APLF: variants seen among roughly 807,000 people sequenced by gnomAD.
The protein encoded by APLF is aprataxin and PNK-like factor.
In APLF, 61 loss-of-function variants were observed where a neutral mutation model predicts 55.6. The ratio of observed to expected loss-of-function variants is 1.10; its 90% CI spans 0.89 to 1.36. The LOEUF (loss-of-function observed/expected upper bound fraction) is 1.36, where lower values mean the gene tolerates loss of function less well. Ranked by LOEUF, APLF falls within the 40% of genes most tolerant of loss-of-function variation. APLF has a pLI of 0.00. For synonymous variants in APLF, 207 were observed against 214.8 expected (o/e 0.96, Z 0.32); for missense variants, 611 against 602.5 (o/e 1.01, Z -0.15).
At chr2:68,505,021 A>G (rs1277533277) in intron 3 of APLF, among the ~76,000 whole-genome samples, 1 of 152,050 alleles carries the variant, frequency 6.6e-6, no homozygotes, top group African/African-American at 2.4e-5. Flanking sequence ...GTCAAAACTA[A>G]TCAAATTTCA....
intron 2 of APLF, among the ~76,000 whole-genome samples, chr2:68,500,262 T>C (rs1311685811): frequency 6.6e-6 from 1 of 152,222 alleles, no homozygotes; most frequent in African/African-American, 2.4e-5. Context: ...ATTTTTACTC[T>C]TCATTTTGGA....
intron 8 of APLF, among the ~76,000 whole-genome samples, chr2:68,548,845 T>G (rs1670780825): frequency 6.6e-6 from 1 of 151,928 alleles, no homozygotes. Context: ...TTTGTGCAGC[T>G]ATCGACTCAT....
chr2:68,540,108 A>G lies in APLF; in HGVS notation c.1160+1881A>G, dbSNP rs151129472. ...TTCTGTACCCATCAACCCATCATCT[A>G]GGTTTTAAGCCCCACATGCATTAGG... On this transcript the variant is annotated intron_variant, in intron 7 of 9. Coordinates refer to ENST00000303795, the MANE Select transcript of APLF (RefSeq NM_173545.3). 9.5e-3 allele frequency among the ~76,000 whole-genome samples: 1,451 copies of G among 152,162 alleles called. 24 individuals are homozygous for G. The highest frequency in any genetic ancestry group is 0.033 in the African/African-American group (1,370 of 41,504).
intron 9 of APLF, 124 bp downstream of exon 9, chr2:68,567,511 G>T: frequency 2.8e-6 from 2 of 719,110 alleles, no homozygotes; most frequent in Non-Finnish European, 2.2e-6. Flanking sequence ...TTGAATTGCT[G>T]ATTTTAATGA....
intron 2 of APLF, among the ~76,000 whole-genome samples, chr2:68,491,786 C>T (rs1676368041): frequency 6.6e-6 from 1 of 152,172 alleles, no homozygotes; most frequent in Non-Finnish European, 1.5e-5. Context: ...TCTCACACTA[C>T]CACCCTTCTG....
intron 1 of APLF, among the ~76,000 whole-genome samples, chr2:68,476,476 C>CAAAA (rs768968249): frequency 2.6e-5 from 2 of 76,482 alleles, no homozygotes; most frequent in African/African-American, 4.2e-5. Flanking sequence ...GAGTGAGACT[C>CAAAA]AAAAAAAAAA....
intron 6 of APLF, among the ~76,000 whole-genome samples, chr2:68,537,186 T>C (rs1476372343): frequency 6.6e-6 from 1 of 151,384 alleles, no homozygotes; most frequent in Non-Finnish European, 1.5e-5. Flanking sequence ...AAAGAGAAAT[T>C]ATAAGGACCG....
At chr2:68,518,084 AT>A (rs1324951657) in intron 5 of APLF, among the ~76,000 whole-genome samples, 1 of 132,722 alleles carries the variant, frequency 7.5e-6, no homozygotes, top group Non-Finnish European at 1.5e-5. Context: ...AGTATATAAT[AT>A]TAATATATAT....
intron 1 of APLF, among the ~76,000 whole-genome samples, chr2:68,474,868 A>C (rs1258547986): frequency 6.6e-6 from 1 of 152,156 alleles, no homozygotes; most frequent in Non-Finnish European, 1.5e-5. Context: ...CGGTTTCTCT[A>C]TGTTGATCAG....
At chr2:68,551,845 AG>A (rs1670876877) in intron 8 of APLF, among the ~76,000 whole-genome samples, 1 of 151,846 alleles carries the variant, frequency 6.6e-6, no homozygotes, top group Non-Finnish European at 1.5e-5. Flanking sequence ...TTTAATGAAA[AG>A]AACTATAGGT....
chr2:68,578,569 G>C lies in APLF; in HGVS notation c.*547G>C. The C allele has an allele frequency of 9.1e-6, 9 of 985,510 alleles. No individual in the cohort carries two copies. Among genetic ancestry groups the C allele is most frequent in the Non-Finnish European group, 1.1e-5 (9 of 830,094 alleles). The allele number at this position is 985,510 out of a possible 1,614,324, so 61.0% of individuals were successfully genotyped here. On this transcript the variant is annotated 3_prime_UTR_variant, in exon 10 of 10. Transcript: ENST00000303795. ...TATCCTTCAAAACTTGGGAAGATTGGTTCCAAATGGGTACTGAAAATAGAT... is the reference window on the plus strand; with the variant it reads ...TATCCTTCAAAACTTGGGAAGATTGCTTCCAAATGGGTACTGAAAATAGAT...
intron 3 of APLF, among the ~76,000 whole-genome samples, chr2:68,505,896 C>A (rs1228656354): frequency 6.6e-6 from 1 of 151,984 alleles, no homozygotes; most frequent in Non-Finnish European, 1.5e-5. Flanking sequence ...CCTTTTCCCT[C>A]CCTGGTGGTG....
At chr2:68,550,205 T>C (rs958374459) in intron 8 of APLF, among the ~76,000 whole-genome samples, 2 of 152,152 alleles carry the variant, frequency 1.3e-5, no homozygotes, top group African/African-American at 4.8e-5. Context: ...AGTCTGATAG[T>C]ATCTGTGTTT....
At chr2:68,470,605 C>T (rs949446701) in intron 1 of APLF, among the ~76,000 whole-genome samples, 2 of 152,098 alleles carry the variant, frequency 1.3e-5, no homozygotes, top group Non-Finnish European at 1.5e-5. Context: ...AAAGTATTTG[C>T]TTTATGGGTT....
chr2:68,513,788 G>A (rs779282790), intron 5 of APLF, 108 bp downstream of exon 5: 1 of 1,297,926 alleles, frequency 7.7e-7, no homozygotes, highest in South Asian at 1.5e-5. Context: ...TAGAGTAGAG[G>A]TTGTGTAAGT....
In APLF at chr2:68,579,948, A is replaced by G. The variant is rs1671726811; in HGVS notation, c.*1926A>G. ...GTAGATTTCATTGCACGTGAACTAT[A>G]TATTTCAATAAATCTGTCACAAAAA... is the stretch of plus-strand genomic sequence containing the variant. On this transcript the variant is annotated 3_prime_UTR_variant, in exon 10 of 10. Transcript: ENST00000303795. 1 of 790,438 alleles carries G rather than the reference A, an allele frequency of 1.3e-6. No homozygotes were observed. Among genetic ancestry groups the G allele is most frequent in the South Asian group, 5.8e-5 (1 of 17,174 alleles). The allele number at this position is 790,438 out of a possible 1,614,324, so 49.0% of individuals were successfully genotyped here.
chr2:68,518,052 CATT>C (rs1402113007), intron 5 of APLF, among the ~76,000 whole-genome samples: 5 of 130,404 alleles, frequency 3.8e-5, no homozygotes, highest in Admixed American at 8.5e-5. Flanking sequence ...AGTAATATAT[CATT>C]AATATATAAT....
At chr2:68,565,707 A>T (rs1671290475) in intron 8 of APLF, among the ~76,000 whole-genome samples, 1 of 152,122 alleles carries the variant, frequency 6.6e-6, no homozygotes, top group African/African-American at 2.4e-5. Context: ...CGGAGGAAAA[A>T]ATGCAATATT....
chr2:68,506,442 G>A (rs542791606), intron 3 of APLF, among the ~76,000 whole-genome samples: 1 of 151,764 alleles, frequency 6.6e-6, no homozygotes, highest in African/African-American at 2.4e-5. Context: ...TCTTGATATC[G>A]TTGGGGTTTT....
Sources: allele counts gnomAD v4.1 joint callset (sites outside exome capture counted in the v4.1 genomes callset), GRCh38; gene constraint gnomAD v4.1.1; transcripts MANE v1.5; gene names NCBI Gene and HGNC (gene_info 2026-07-23, HGNC 2026-07-21).